The following CHLSN variants were observed in gnomAD, a reference collection of about 807,000 sequenced individuals.
The protein encoded by CHLSN is protein cholesin.
At chr7:1,030,283 C>G in the CHLSN span, among the ~76,000 whole-genome samples, 1 of 152,218 alleles carries the variant, frequency 6.6e-6, no homozygotes, top group Non-Finnish European at 1.5e-5. Context: ...CACCAACGCA[C>G]CAACTCGCAC....
the CHLSN span, among the ~76,000 whole-genome samples, chr7:1,004,653 C>A: frequency 3.3e-5 from 5 of 152,214 alleles, no homozygotes; most frequent in Non-Finnish European, 7.4e-5. Flanking sequence ...TGCTCAGTGT[C>A]GCCTGTGGCT....
chr7:1,013,098 C>T, the CHLSN span, among the ~76,000 whole-genome samples: 1 of 152,140 alleles, frequency 6.6e-6, no homozygotes, highest in Non-Finnish European at 1.5e-5. Context: ...CGTGGTAATG[C>T]CGGGACCTGC....
chr7:1,005,971 G>T, the CHLSN span, among the ~76,000 whole-genome samples: 1 of 152,264 alleles, frequency 6.6e-6, no homozygotes, highest in African/African-American at 2.4e-5. Flanking sequence ...CCCCCAACGT[G>T]AACACCCAGC....
chr7:1,020,154 G>A, the CHLSN span, among the ~76,000 whole-genome samples: 1 of 151,586 alleles, frequency 6.6e-6, no homozygotes, highest in African/African-American at 2.4e-5. Flanking sequence ...GATGCGGCAG[G>A]CCCCGCGTGC....
At chr7:1,057,809 C>T in the CHLSN span, 10 of 776,180 alleles carry the variant, frequency 1.3e-5, no homozygotes, top group Non-Finnish European at 2.2e-5. Flanking sequence ...GGAGTGTGGG[C>T]GGCGAAGTCC....
chr7:1,072,750 C>T, the CHLSN span, among the ~76,000 whole-genome samples: 1 of 140,052 alleles, frequency 7.1e-6, no homozygotes, highest in Non-Finnish European at 1.5e-5. Context: ...GTGGCGCAAT[C>T]TCAGCTCACT....
chr7:1,094,786 G>A, the CHLSN span, among the ~76,000 whole-genome samples: 3 of 152,184 alleles, frequency 2.0e-5, no homozygotes, highest in African/African-American at 7.2e-5. Context: ...GTGGGTGTGG[G>A]AAGCCTGGGT....
chr7:1,016,744 C>G, the CHLSN span, among the ~76,000 whole-genome samples: 2 of 111,412 alleles, frequency 1.8e-5, 1 homozygote, highest in Non-Finnish European at 3.4e-5. Context: ...CACGCCAGCG[C>G]ACAGCAGCAC....
the CHLSN span, among the ~76,000 whole-genome samples, chr7:1,041,807 C>G: frequency 6.6e-6 from 1 of 152,096 alleles, no homozygotes; most frequent in Non-Finnish European, 1.5e-5. Context: ...CCCCGCCCCC[C>G]CGAGAAAGCC....
chr7:997,724 C>T, the CHLSN span: 3 of 1,611,652 alleles, frequency 1.9e-6, no homozygotes, highest in African/African-American at 2.7e-5. Context: ...GGGCTTCCGC[C>T]TTCTGCACCG....
At chr7:1,012,394 G>C in the CHLSN span, among the ~76,000 whole-genome samples, 4 of 152,352 alleles carry the variant, frequency 2.6e-5, no homozygotes, top group African/African-American at 9.6e-5. Context: ...AACCCAGGCC[G>C]TCCCATATCG....
the CHLSN span, among the ~76,000 whole-genome samples, chr7:1,053,731 G>A: frequency 0.013 from 1,977 of 152,342 alleles, 29 homozygotes; most frequent in South Asian, 0.04. Context: ...GGAGGCTGAG[G>A]CAGGAGAATC....
chr7:1,034,471 C>T, the CHLSN span, among the ~76,000 whole-genome samples: 1,377 of 152,044 alleles, frequency 9.1e-3, 19 homozygotes, highest in African/African-American at 0.031. Context: ...GCTAAAACAG[C>T]GCTGAAATAC....
At chr7:988,277 G>T in the CHLSN span, 2 of 1,585,412 alleles carry the variant, frequency 1.3e-6, no homozygotes, top group South Asian at 1.1e-5. Context: ...GCCCCCACAG[G>T]GCACGCCCGT....
the CHLSN span, among the ~76,000 whole-genome samples, chr7:1,105,713 C>T: frequency 2.6e-5 from 4 of 152,200 alleles, no homozygotes; most frequent in African/African-American, 9.7e-5. Flanking sequence ...CTCACGGGTT[C>T]AGGCAATTCT....
chr7:1,135,908 A>AGTATATAT, the CHLSN span, among the ~76,000 whole-genome samples: 1 of 102,644 alleles, frequency 9.7e-6, no homozygotes, highest in African/African-American at 3.8e-5. Flanking sequence ...AGTATATATA[A>AGTATATAT]AAATATATAT....
At chr7:987,069 C>T in the CHLSN span, 2 of 1,470,866 alleles carry the variant, frequency 1.4e-6, no homozygotes, top group Non-Finnish European at 1.8e-6. Context: ...GGGACAGACC[C>T]CAGATCATCC....
the CHLSN span, among the ~76,000 whole-genome samples, chr7:1,037,297 G>A: frequency 7.3e-6 from 1 of 136,614 alleles, no homozygotes; most frequent in East Asian, 2.0e-4. Context: ...CAGAAAGGAA[G>A]ATGCGGAGCC....
the CHLSN span, among the ~76,000 whole-genome samples, chr7:1,135,285 C>T: frequency 6.6e-6 from 1 of 151,880 alleles, no homozygotes; most frequent in Admixed American, 6.6e-5. Flanking sequence ...TCTTATTAAC[C>T]CTCTCCTTCA....
Sources: gnomAD v4.1 joint callset for allele counts (sites outside exome capture counted in the v4.1 genomes callset) on GRCh38, gnomAD v4.1.1 for gene constraint, MANE v1.5 for transcripts, NCBI Gene and HGNC (gene_info 2026-07-23, HGNC 2026-07-21) for gene names.